Variants in ZNF99 observed in about 807,000 individuals in gnomAD.
The protein encoded by ZNF99 is zinc finger protein ENSP00000375192.
In ZNF99, 8 loss-of-function variants were observed where a neutral mutation model predicts 12.8. The ratio of observed to expected loss-of-function variants is 0.62; its 90% CI spans 0.37 to 1.13. The LOEUF (loss-of-function observed/expected upper bound fraction) is 1.13. Ranked by LOEUF, ZNF99 falls within the 50% of genes most tolerant of loss-of-function variation. ZNF99 has a pLI of 0.02. For synonymous variants in ZNF99, 318 were observed against 319.0 expected, an observed-to-expected ratio of 1.00 and a Z score of 0.03; for missense variants, 1,007 against 1,006.2, an observed-to-expected ratio of 1.00 and a Z score of -0.01.
In ZNF99 at chr19:22,757,238, T is replaced by C. The variant is rs768086849; in HGVS notation, c.*76A>G. ...TTTCTTCCCAGTATAAATTATCTTA[T>C]GTTTCCTAAGGGTTGAGGAATTGTT... is the stretch of plus-strand genomic sequence containing the variant. On this transcript the variant is annotated 3_prime_UTR_variant, in exon 4 of 4. Coordinates refer to ENST00000596209, the MANE Select transcript of ZNF99 (RefSeq NM_001080409.3). 3 of 1,588,148 alleles carry C rather than the reference T, an allele frequency of 1.9e-6. No homozygotes were observed. The highest frequency in any genetic ancestry group is 2.6e-6 in the Non-Finnish European group (3 of 1,162,636).
chr19:22,768,038 T>C (rs2145150621), intron 3 of ZNF99, among the ~76,000 whole-genome samples: 1 of 152,320 alleles, frequency 6.6e-6, no homozygotes, highest in East Asian at 1.9e-4. Flanking sequence ...AGTCAGATTG[T>C]GCAGTCCCTT....
intron 3 of ZNF99, 22 bp from the exon 4 acceptor site, chr19:22,759,704 A>C (rs761041899): frequency 5.5e-6 from 8 of 1,460,968 alleles, no homozygotes; most frequent in Non-Finnish European, 7.3e-6. Flanking sequence ...GAAAATAATA[A>C]ATTATGTCAC....
rs1278456431 is a variant in ZNF99, at chr19:22,784,079, G to A, written c.-63C>T. 13 of 1,592,014 alleles carry A rather than the reference G, an allele frequency of 8.2e-6. No individual in the cohort carries two copies. The highest frequency in any genetic ancestry group is 1.1e-5 in the Non-Finnish European group (13 of 1,161,968). ...GATCTCCAAATACCTACAGGTCACAGGGCCACAGAGGCTAAGGACACAGAG... is the reference window on the plus strand; with the variant it reads ...GATCTCCAAATACCTACAGGTCACAAGGCCACAGAGGCTAAGGACACAGAG... On this transcript the variant is annotated 5_prime_UTR_variant, in exon 1 of 4. Coordinates refer to ENST00000596209, the MANE Select transcript of ZNF99 (RefSeq NM_001080409.3).
At position 22,770,013 on chromosome 19, in the gene ZNF99, A is replaced by T. The variant is rs1488817058; in HGVS notation, c.4-689T>A. On this transcript the variant is annotated intron_variant, in intron 1 of 3. Transcript: ENST00000596209. ...GTTAGAAGACACCTCTCAAATTTTA[A>T]TGTGTACAATTAACTGGAGATCTTG... The T allele has an allele frequency of 9.7e-6, 13 of 1,346,414 alleles. No homozygotes were observed. The South Asian group carries it at 1.6e-4, about 16-fold the overall frequency. 83.4% of individuals were successfully genotyped at this position (1,346,414 alleles called of 1,614,324 possible). A position where few individuals can be genotyped will look rare whatever the true frequency, so the allele number is the denominator to read the frequency against.
chr19:22,758,233 T>C lies in ZNF99; in HGVS notation c.1676A>G (p.His559Arg). 4 of 1,600,784 alleles carry C rather than the reference T, an allele frequency of 2.5e-6. No individual in the cohort carries two copies. In the South Asian group the frequency reaches 4.4e-5, roughly 18 times the overall value. Residue 559 changes from histidine to arginine, a missense_variant, in exon 4 of 4, where the codon CAT becomes CGT. Transcript: ENST00000596209. ...ACATTTGTATGGTTTCTTCCCAGTA[T>C]GAATTATCTTATGTTTCATAAGGGT... The part of the protein sequence containing the change: ...SSTLMKHKII[H>R]TGKKPYKCEE...
Position 22,757,270 on chromosome 19 carries a change from T to G in ZNF99, c.*44A>C. On this transcript the variant is annotated 3_prime_UTR_variant, in exon 4 of 4. Transcript: ENST00000596209. Reference sequence around the variant, plus strand: ...TAAGGGTTGAGGAATTGTTAAAAGCTTTGCCACATTCTTCACATTTGTAGG... The same window carrying G: ...TAAGGGTTGAGGAATTGTTAAAAGCGTTGCCACATTCTTCACATTTGTAGG... 1 of 1,611,302 alleles carries G rather than the reference T, an allele frequency of 6.2e-7. No individual in the cohort carries two copies.
chr19:22,763,571 T>G (rs1382891390), intron 3 of ZNF99, among the ~76,000 whole-genome samples: 1 of 152,198 alleles, frequency 6.6e-6, no homozygotes, highest in East Asian at 1.9e-4. Flanking sequence ...AATCTACAAA[T>G]TAAATGCAAT....
chr19:22,782,957 C>T (rs1599452001), intron 1 of ZNF99, among the ~76,000 whole-genome samples: 1 of 152,016 alleles, frequency 6.6e-6, no homozygotes, highest in Non-Finnish European at 1.5e-5. Context: ...TGTAAGCCAC[C>T]GAGCCAGGCC....
chr19:22,782,499 GT>G lies in ZNF99; in HGVS notation c.3+1514del, dbSNP rs1201445523. Among the ~76,000 whole-genome samples the G allele has an allele frequency of 5.3e-5, 8 of 150,866 alleles. No homozygotes were observed. In the Admixed American group the frequency reaches 5.3e-4, roughly 10 times the overall value. ...GCCCCACGAGTAGCTAGGATTACAG[GT>G]ACAGGCATGTGCCACCACACCTGGC... On this transcript the variant is annotated intron_variant, in intron 1 of 3. Coordinates refer to ENST00000596209, the MANE Select transcript of ZNF99 (RefSeq NM_001080409.3).
At chr19:22,766,673 C>T (rs1446847839) in intron 3 of ZNF99, among the ~76,000 whole-genome samples, 1 of 140,786 alleles carries the variant, frequency 7.1e-6, no homozygotes. Context: ...TTTTTTGAGT[C>T]GGAGTTTCAC....
At chr19:22,771,674 AGT>A (rs992474958) in intron 1 of ZNF99, among the ~76,000 whole-genome samples, 8 of 144,374 alleles carry the variant, frequency 5.5e-5, no homozygotes, top group African/African-American at 2.0e-4. Flanking sequence ...AGGAATCTTG[AGT>A]ATCCACACCT....
At chr19:22,779,682 A>G (rs972922734) in intron 1 of ZNF99, among the ~76,000 whole-genome samples, 1 of 152,172 alleles carries the variant, frequency 6.6e-6, no homozygotes, top group African/African-American at 2.4e-5. Flanking sequence ...ATTTTTATGT[A>G]GTTCCTAAGT....
At chr19:22,771,233 T>C (rs1832691519) in intron 1 of ZNF99, 1 of 141,830 alleles carries the variant, frequency 7.1e-6, no homozygotes, top group Non-Finnish European at 1.5e-5. Context: ...AACTTGCCTT[T>C]AAAAAGCATT....
At chr19:22,778,055 C>T in intron 1 of ZNF99, among the ~76,000 whole-genome samples, 1 of 150,716 alleles carries the variant, frequency 6.6e-6, no homozygotes. Context: ...GGAGAAATAC[C>T]TAACGTAAAT....
rs55638958 is a variant in ZNF99 at position 22,776,408 on chromosome 19, GATATATATATATATATATATATAT to G, written c.4-7108_4-7085del. Among the ~76,000 whole-genome samples the G allele has an allele frequency of 4.1e-3, 283 of 69,642 alleles. 1 individual carries two copies. Among genetic ancestry groups the G allele is most frequent in the Middle Eastern group, 0.01 (1 of 100 alleles). 45.7% of individuals were successfully genotyped at this position (69,642 alleles called of 152,430 possible). A position where few individuals can be genotyped will look rare whatever the true frequency, so the allele number is the denominator to read the frequency against. ...CATGAGCAAACTTTTTCCAAAATAAGATATATATATATATATATATATATATATATATATATATATATATATATA... is the reference window on the plus strand; with the variant it reads ...CATGAGCAAACTTTTTCCAAAATAAGATATATATATATATATATATATATA... On this transcript the variant is annotated intron_variant, in intron 1 of 3. Coordinates refer to ENST00000596209, the MANE Select transcript of ZNF99 (RefSeq NM_001080409.3).
chr19:22,753,709 ATTTGT>A lies in ZNF99; in HGVS notation c.*3600_*3604del, dbSNP rs780412094. 1.5e-4 allele frequency: 23 copies of A among 156,924 alleles called. No homozygotes were observed. The highest frequency in any genetic ancestry group is 3.1e-4 in the Non-Finnish European group (22 of 70,936). The allele number at this position is 156,924 out of a possible 1,614,324, so 9.7% of individuals were successfully genotyped here. ...TTCTCACAGTAATTGCATTTTTAATATTTGTTTTAAGTATAAACTCTGTGATGTTA... is the reference window on the plus strand; with the variant it reads ...TTCTCACAGTAATTGCATTTTTAATATTTAAGTATAAACTCTGTGATGTTA... On this transcript the variant is annotated 3_prime_UTR_variant, in exon 4 of 4. Coordinates refer to ENST00000596209, the MANE Select transcript of ZNF99 (RefSeq NM_001080409.3).
chr19:22,756,162 G>A lies in ZNF99; in HGVS notation c.*1152C>T, dbSNP rs765076372. The A allele has an allele frequency of 8.8e-5, 135 of 1,531,974 alleles. No individual in the cohort carries two copies. Among genetic ancestry groups the A allele is most frequent in the Non-Finnish European group, 1.2e-4 (132 of 1,131,878 alleles). 94.9% of individuals were successfully genotyped at this position (1,531,974 alleles called of 1,614,324 possible). ...GTATAAATTATCTTATGTGTATTAA[G>A]GTTTGTAAAATGGTTGAAAGCTTTG... is the stretch of plus-strand genomic sequence containing the variant. On this transcript the variant is annotated 3_prime_UTR_variant, in exon 4 of 4. Transcript: ENST00000596209.
rs1491503249 is a variant in ZNF99 at position 22,763,903 on chromosome 19, CCT to C, written c.227-4223_227-4222del. On this transcript the variant is annotated intron_variant, in intron 3 of 3. Coordinates refer to ENST00000596209, the MANE Select transcript of ZNF99 (RefSeq NM_001080409.3). ...AAAGGATACTCTTTTTTTTTTCTTTCCTTTTTTTTTTTTTTTTTTTTTTGAGA... is the reference window on the plus strand; with the variant it reads ...AAAGGATACTCTTTTTTTTTTCTTTCTTTTTTTTTTTTTTTTTTTTTGAGA... Among the ~76,000 whole-genome samples the C allele has an allele frequency of 2.4e-3, 306 of 126,228 alleles. 2 individuals carry two copies. The highest frequency in any genetic ancestry group is 8.9e-3 in the African/African-American group (257 of 28,954). The allele number at this position is 126,228 out of a possible 152,430, so 82.8% of individuals were successfully genotyped here.
Position 22,769,262 on chromosome 19 carries a change from G to A in ZNF99, c.66C>T (p.Asp22=). Residue 22 remains aspartate, a synonymous_variant, in exon 2 of 4, where the codon GAC becomes GAT. Coordinates refer to ENST00000596209, the MANE Select transcript of ZNF99 (RefSeq NM_001080409.3). Reference sequence around the variant, plus strand: ...TCCTATATAAATTCTGCTGAGCCATGTCCAGGCATTGCCACTCCTCCAGAG... The same window carrying A: ...TCCTATATAAATTCTGCTGAGCCATATCCAGGCATTGCCACTCCTCCAGAG... ...EFALEEWQCL[D]MAQQNLYRNV... 4 of 1,610,450 alleles carry A rather than the reference G, an allele frequency of 2.5e-6. No homozygotes were observed. Among genetic ancestry groups the A allele is most frequent in the Non-Finnish European group, 3.4e-6 (4 of 1,178,010 alleles).
Sources: gnomAD v4.1 joint callset for allele counts (sites outside exome capture counted in the v4.1 genomes callset) on GRCh38, gnomAD v4.1.1 for gene constraint, MANE v1.5 for transcripts, NCBI Gene and HGNC (gene_info 2026-07-23, HGNC 2026-07-21) for gene names.